The following TSC22D4 variants were observed in gnomAD, a reference collection of about 807,000 sequenced individuals.
The protein encoded by TSC22D4 is TSC22 domain family member 4, also known as TSC22 domain family protein 4.
A neutral mutation model predicts 24.9 loss-of-function variants in TSC22D4; 5 were observed. The observed-to-expected ratio is 0.20, with a 90% CI of 0.10 to 0.42. The LOEUF (loss-of-function observed/expected upper bound fraction) is 0.42. TSC22D4 is among the 10% of genes least tolerant of loss of function. TSC22D4 has a pLI of 1.00. For missense variants in TSC22D4, 469 were observed against 547.9 expected (o/e 0.86, Z 1.44); for synonymous variants, 245 against 243.2 (o/e 1.01, Z -0.07).
chr7:100,474,392 G>A lies in TSC22D4; in HGVS notation c.811C>T (p.His271Tyr), dbSNP rs753545739. Residue 271 changes from histidine to tyrosine, a missense_variant, in exon 3 of 5, where the codon CAC becomes TAC. Physicochemically the swap from His to Tyr is moderately conservative, Grantham distance 83. Transcript: ENST00000300181. The surrounding 1 kb of genome is among the most constrained non-coding windows in gnomAD (Gnocchi z 4.3). ...GATTTGTGAACCAGGCTGGCATCGTGGGTGAAGTAGAGGGCTGGGGAGCTG... is the reference window on the plus strand; with the variant it reads ...GATTTGTGAACCAGGCTGGCATCGTAGGTGAAGTAGAGGGCTGGGGAGCTG... ...RPSSPALYFT[H>Y]DASLVHKSPD... 5.0e-6 allele frequency: 8 copies of A among 1,614,126 alleles called. No homozygotes were observed. The Admixed American group carries it at 1.3e-4, about 27-fold the overall frequency.
rs1799524934 is a variant in TSC22D4, at chr7:100,477,569, G to C, written c.470C>G (p.Thr157Ser). The C allele has an allele frequency of 6.3e-7, 1 of 1,582,210 alleles. No homozygotes were observed. Among genetic ancestry groups the C allele is most frequent in the South Asian group, 1.2e-5 (1 of 86,414 alleles). The change falls in exon 2 of 5, where the codon ACC becomes AGC. Residue 157 changes from threonine (T) to serine (S), a missense_variant. Thr to Ser is a moderately conservative substitution (Grantham distance 58). Coordinates refer to ENST00000300181, the MANE Select transcript of TSC22D4 (RefSeq NM_030935.5). The surrounding 1 kb of genome is among the most constrained non-coding windows in gnomAD (Gnocchi z 7.8). ...GPTSWLRPPP[T>S]SPGPQARSFT... ...GGAGCGGGCCTGAGGTCCAGGAGAG[G>C]TGGGGGGTGGACGGAGCCAGGAGGT...
rs145986498 is a variant in TSC22D4, at chr7:100,474,752, T to A, written c.763-312A>T. On this transcript the variant is annotated intron_variant, in intron 2 of 4. Coordinates refer to ENST00000300181, the MANE Select transcript of TSC22D4 (RefSeq NM_030935.5). The surrounding 1 kb of genome is among the most constrained non-coding windows in gnomAD (Gnocchi z 4.3). ...TAGACTCCAATGCCCCAGCTCCCAC[T>A]GGGCCGGGACCCCTAATCAGAGGCT... Among the ~76,000 whole-genome samples, 2 of 152,304 alleles carry A rather than the reference T, an allele frequency of 1.3e-5. No homozygotes were observed. The highest frequency in any genetic ancestry group is 2.9e-5 in the Non-Finnish European group (2 of 68,032).
Position 100,474,189 on chromosome 7 carries a change from C to T in TSC22D4, c.929+85G>A, listed in dbSNP as rs1799447167. 1 of 1,554,772 alleles carries T rather than the reference C, an allele frequency of 6.4e-7. No homozygotes were observed. Among genetic ancestry groups the T allele is most frequent in the African/African-American group, 1.4e-5 (1 of 73,750 alleles). On this transcript the variant is annotated intron_variant, in intron 3 of 4. Coordinates refer to ENST00000300181, the MANE Select transcript of TSC22D4 (RefSeq NM_030935.5). This position sits in a 1 kb window ranked among gnomAD's most constrained non-coding sequence, Gnocchi z 4.3. ...CAAGTTCAACCTGGGGGAAGGATGC[C>T]TACCAGGCACTTTCTTACAGCTACC...
chr7:100,477,188 A>AC lies in TSC22D4; in HGVS notation c.762+88_762+89insG. The AC allele has an allele frequency of 9.4e-7, 1 of 1,061,740 alleles. No homozygotes were observed. The highest frequency in any genetic ancestry group is 1.3e-6 in the Non-Finnish European group (1 of 791,106). 65.8% of individuals were successfully genotyped at this position (1,061,740 alleles called of 1,614,324 possible). A position where few individuals can be genotyped will look rare whatever the true frequency, so the allele number is the denominator to read the frequency against. On this transcript the variant is annotated intron_variant, in intron 2 of 4. Transcript: ENST00000300181. This position sits in a 1 kb window ranked among gnomAD's most constrained non-coding sequence, Gnocchi z 7.8. ...TGATCTTATAAAGTGATGGAGAAGG[A>AC]GGAGGAGAGGGGGGGGAGGAGGAGG...
At chr7:100,469,413 C>A (rs2131042165) in intron 3 of TSC22D4, among the ~76,000 whole-genome samples, 1 of 152,090 alleles carries the variant, frequency 6.6e-6, no homozygotes, top group Non-Finnish European at 1.5e-5. Flanking sequence ...TGGGAAGTGG[C>A]CACCAGAGGG....
intron 3 of TSC22D4, among the ~76,000 whole-genome samples, chr7:100,468,265 G>A (rs994920944): frequency 3.9e-5 from 6 of 152,100 alleles, no homozygotes; most frequent in African/African-American, 1.4e-4. Flanking sequence ...GGAGGGGGCC[G>A]GCCGAGGAAG....
intron 3 of TSC22D4, among the ~76,000 whole-genome samples, chr7:100,470,267 A>C (rs1799367077): frequency 6.6e-6 from 1 of 152,040 alleles, no homozygotes; most frequent in East Asian, 1.9e-4. Context: ...ACAGCAATAA[A>C]CGTTTGTTAG....
rs142971809 is a variant in TSC22D4 at position 100,468,881 on chromosome 7, G to A, written c.930-1281C>T. On this transcript the variant is annotated intron_variant, in intron 3 of 4. Coordinates refer to ENST00000300181, the MANE Select transcript of TSC22D4 (RefSeq NM_030935.5). The stretch of plus-strand genomic sequence containing the variant: ...GAACCCAGGAGGTGGAGGTTGCAGT[G>A]AGCCGAGATCGTGCTACTGCACTCC... Among the ~76,000 whole-genome samples the A allele has an allele frequency of 1.3e-5, 2 of 152,038 alleles. 1 individual carries two copies. Among genetic ancestry groups the A allele is most frequent in the African/African-American group, 4.8e-5 (2 of 41,452 alleles).
Position 100,477,503 on chromosome 7 carries a change from G to C in TSC22D4, c.536C>G (p.Ala179Gly), listed in dbSNP as rs749758255. The change falls in exon 2 of 5, where the codon GCC (alanine) becomes GGC (glycine). Residue 179 changes from alanine (A) to glycine (G), a missense_variant. Transcript: ENST00000300181. This position sits in a 1 kb window ranked among gnomAD's most constrained non-coding sequence, Gnocchi z 7.8. ...GLGQLVVPSK[A>G]KAEKPPLSAS... ...CGACAGTGGGGGTTTCTCTGCCTTGGCTTTGCTGGGCACCACCAGCTGGCC... is the reference window on the plus strand; with the variant it reads ...CGACAGTGGGGGTTTCTCTGCCTTGCCTTTGCTGGGCACCACCAGCTGGCC... The C allele has an allele frequency of 6.4e-6, 10 of 1,555,040 alleles. No individual in the cohort carries two copies. The Admixed American group carries it at 1.6e-4, about 24-fold the overall frequency.
rs770181104 is a variant in TSC22D4, at chr7:100,477,195, GA to G, written c.762+81del. ...ATAAAGTGATGGAGAAGGAGGAGGAGAGGGGGGGGAGGAGGAGGAAGGAGGC... is the reference window on the plus strand; with the variant it reads ...ATAAAGTGATGGAGAAGGAGGAGGAGGGGGGGGGAGGAGGAGGAAGGAGGC... On this transcript the variant is annotated intron_variant, in intron 2 of 4. Transcript: ENST00000300181. This position sits in a 1 kb window ranked among gnomAD's most constrained non-coding sequence, Gnocchi z 7.8. The G allele has an allele frequency of 0.014, 11,288 of 818,388 alleles. 351 individuals carry two copies. Among genetic ancestry groups the G allele is most frequent in the African/African-American group, 0.11 (5,065 of 45,264 alleles). The allele number at this position is 818,388 out of a possible 1,614,324, so 50.7% of individuals were successfully genotyped here.
chr7:100,470,715 T>C (rs765088277), intron 3 of TSC22D4, among the ~76,000 whole-genome samples: 32 of 152,290 alleles, frequency 2.1e-4, no homozygotes, highest in Admixed American at 7.2e-4. Context: ...CTAGAATTCT[T>C]TGACAGGGTC....
At position 100,474,049 on chromosome 7, in the gene TSC22D4, T is replaced by C; in HGVS notation, c.929+225A>G. 1 of 528,206 alleles carries C rather than the reference T, an allele frequency of 1.9e-6. No homozygotes were observed. Among genetic ancestry groups the C allele is most frequent in the Non-Finnish European group, 3.4e-6 (1 of 295,392 alleles). The allele number at this position is 528,206 out of a possible 1,614,324, so 32.7% of individuals were successfully genotyped here. A position where few individuals can be genotyped will look rare whatever the true frequency, so the allele number is the denominator to read the frequency against. On this transcript the variant is annotated intron_variant, in intron 3 of 4. Coordinates refer to ENST00000300181, the MANE Select transcript of TSC22D4 (RefSeq NM_030935.5). This position sits in a 1 kb window ranked among gnomAD's most constrained non-coding sequence, Gnocchi z 4.3. ...TCAGACTCTAAAAAAGTCTGTGACC[T>C]GACAGTTCTGAGCCAGGGAGTCCCA...
At chr7:100,468,264 C>G (rs1480803100) in intron 3 of TSC22D4, among the ~76,000 whole-genome samples, 2 of 151,728 alleles carry the variant, frequency 1.3e-5, no homozygotes, top group Non-Finnish European at 2.9e-5. Flanking sequence ...GGGAGGGGGC[C>G]GGCCGAGGAA....
At chr7:100,470,165 A>G (rs1031739687) in intron 3 of TSC22D4, among the ~76,000 whole-genome samples, 1 of 152,218 alleles carries the variant, frequency 6.6e-6, no homozygotes, top group Non-Finnish European at 1.5e-5. Flanking sequence ...GGTTGGATAC[A>G]CAGGGATAGG....
intron 2 of TSC22D4, among the ~76,000 whole-genome samples, chr7:100,475,061 A>G (rs955863909): frequency 9.9e-5 from 15 of 151,950 alleles, no homozygotes; most frequent in African/African-American, 3.6e-4. Flanking sequence ...TCAGCCTCCC[A>G]AAGTGCTGGA....
intron 3 of TSC22D4, among the ~76,000 whole-genome samples, chr7:100,473,135 T>C (rs4472444): frequency 0.21 from 32,195 of 152,006 alleles, 3,672 homozygotes; most frequent in African/African-American, 0.29. Flanking sequence ...TTCTTAGGAA[T>C]GGTGACACCT....
chr7:100,470,354 G>A (rs1023465568), intron 3 of TSC22D4, among the ~76,000 whole-genome samples: 1 of 152,102 alleles, frequency 6.6e-6, no homozygotes, highest in African/African-American at 2.4e-5. Context: ...GTGCAATGGC[G>A]GGATTTTCCC....
chr7:100,467,034 C>T lies in TSC22D4; in HGVS notation c.1113G>A (p.Pro371=), dbSNP rs775741771. 82 of 1,612,654 alleles carry T rather than the reference C, an allele frequency of 5.1e-5. No homozygotes were observed. The highest frequency in any genetic ancestry group is 3.2e-4 in the Admixed American group (19 of 59,850). Residue 371 remains proline, a synonymous_variant, in exon 5 of 5, where the codon CCG becomes CCA. Coordinates refer to ENST00000300181, the MANE Select transcript of TSC22D4 (RefSeq NM_030935.5). ...ENGLLRALAS[P]EQLAQLPSSG... is the part of the protein sequence containing the mutation. ...AGGAGGGCAGCTGAGCCAGCTGCTC[C>T]GGGCTGGCCAGGGCGCGCAGCAGCC...
intron 3 of TSC22D4, among the ~76,000 whole-genome samples, chr7:100,473,446 G>T (rs1002622471): frequency 1.1e-4 from 16 of 151,674 alleles, no homozygotes; most frequent in Non-Finnish European, 1.5e-4. Context: ...AGTTTTTTTT[G>T]TTGTTTTTTT....
Sources: allele counts gnomAD v4.1 joint callset (sites outside exome capture counted in the v4.1 genomes callset), GRCh38; gene constraint gnomAD v4.1.1; non-coding constraint Gnocchi (gnomAD v3.1); transcripts MANE v1.5; gene names NCBI Gene and HGNC (gene_info 2026-07-23, HGNC 2026-07-21).